The following MEGF9 variants were observed in gnomAD, a reference collection of about 807,000 sequenced individuals.
MEGF9 encodes the protein multiple epidermal growth factor-like domains protein 9.
MEGF9 carries 6 observed loss-of-function variants against 46.8 expected under a neutral mutation model. That is an observed-to-expected ratio of 0.13 (90% confidence interval 0.07 to 0.25). The LOEUF is 0.25. MEGF9 is among the 10% of genes least tolerant of loss of function. The pLI is 1.00. For synonymous variants in MEGF9, 302 were observed against 330.7 expected, an observed-to-expected ratio of 0.91 and a Z score of 0.94; for missense variants, 683 against 792.4, an observed-to-expected ratio of 0.86 and a Z score of 1.66.
chr9:120,683,498 G>A (rs2043807936), intron 1 of MEGF9, among the ~76,000 whole-genome samples: 1 of 152,188 alleles, frequency 6.6e-6, no homozygotes, highest in South Asian at 2.1e-4. Flanking sequence ...TTATAAGGCA[G>A]TTTTCCCTGC....
chr9:120,605,705 A>G lies in MEGF9; in HGVS notation c.1358-64T>C. On this transcript the variant is annotated intron_variant, in intron 5 of 5. Coordinates refer to ENST00000373930, the MANE Select transcript of MEGF9 (RefSeq NM_001080497.3). The surrounding 1 kb of genome is among the most constrained non-coding windows in gnomAD (Gnocchi z 4.0). ...ATTATCTAGTTTTGAGAAACAATAA[A>G]AGAAATACGCATGGGAGTGAATGTT... 8.3e-7 allele frequency: 1 copy of G among 1,204,100 alleles called. No homozygotes were observed. Among genetic ancestry groups the G allele is most frequent in the South Asian group, 1.6e-5 (1 of 64,462 alleles). 74.6% of individuals were successfully genotyped at this position (1,204,100 alleles called of 1,614,324 possible).
At chr9:120,608,908 T>C (rs1428301603) in intron 4 of MEGF9, among the ~76,000 whole-genome samples, 1 of 152,234 alleles carries the variant, frequency 6.6e-6, no homozygotes, top group Non-Finnish European at 1.5e-5. Flanking sequence ...TCTCTTTCCA[T>C]TCCCACTGGA....
chr9:120,636,855 T>TGG (rs201913484), intron 2 of MEGF9, among the ~76,000 whole-genome samples: 19 of 148,926 alleles, frequency 1.3e-4, no homozygotes, highest in Admixed American at 6.6e-4. Flanking sequence ...GTCTGGGGGG[T>TGG]GGGGGGGCCC....
At chr9:120,695,011 T>C (rs1177068426) in intron 1 of MEGF9, among the ~76,000 whole-genome samples, 5 of 149,994 alleles carry the variant, frequency 3.3e-5, no homozygotes, top group Admixed American at 1.3e-4. Flanking sequence ...TAGGAATTAA[T>C]CTAGGTGCTG....
chr9:120,693,275 C>CAAAAAAAAAAAAAAAA (rs10633158), intron 1 of MEGF9, among the ~76,000 whole-genome samples: 2 of 104,470 alleles, frequency 1.9e-5, no homozygotes, highest in Non-Finnish European at 3.7e-5. Context: ...TCTGGTTAAC[C>CAAAAAAAAAAAAAAAA]AAAAAAAAAA....
intron 5 of MEGF9, 61 bp downstream of exon 5, chr9:120,607,680 C>T: frequency 6.4e-7 from 1 of 1,560,364 alleles, no homozygotes; most frequent in Non-Finnish European, 8.8e-7. Flanking sequence ...TTTACAAAGC[C>T]TTCCATTTTT....
In MEGF9 at chr9:120,608,006, C is replaced by G. The variant is rs770803851; in HGVS notation, c.1092G>C (p.Ser364=). ...GGTCACATTCAGGTTCCAATTCACTCGATTCTAAAAGAGAGAATGCCAAAA... is the reference window on the plus strand; with the variant it reads ...GGTCACATTCAGGTTCCAATTCACTGGATTCTAAAAGAGAGAATGCCAAAA... ...VTSTGSCSIK[S]SELEPECDQC... Residue 364 remains serine, a synonymous_variant, in exon 5 of 6, where the codon TCG becomes TCC. Coordinates refer to ENST00000373930, the MANE Select transcript of MEGF9 (RefSeq NM_001080497.3). The G allele has an allele frequency of 6.2e-6, 10 of 1,613,550 alleles. No individual in the cohort carries two copies. Among genetic ancestry groups the G allele is most frequent in the Non-Finnish European group, 8.5e-6 (10 of 1,179,642 alleles).
intron 2 of MEGF9, among the ~76,000 whole-genome samples, chr9:120,632,548 A>T (rs2132308988): frequency 6.6e-6 from 1 of 152,252 alleles, no homozygotes; most frequent in East Asian, 1.9e-4. Flanking sequence ...GCAAACAGAC[A>T]ATTTGATTTC....
At chr9:120,696,137 A>G in intron 1 of MEGF9, among the ~76,000 whole-genome samples, 1 of 152,190 alleles carries the variant, frequency 6.6e-6, no homozygotes, top group Non-Finnish European at 1.5e-5. Context: ...TATTACCTCT[A>G]ACTCCGTGGC....
intron 2 of MEGF9, among the ~76,000 whole-genome samples, chr9:120,637,569 A>G (rs1423007425): frequency 6.6e-6 from 1 of 151,324 alleles, no homozygotes; most frequent in Non-Finnish European, 1.5e-5. Context: ...CGAGGTGGGT[A>G]GATTATGAGG....
intron 3 of MEGF9, among the ~76,000 whole-genome samples, 182 bp downstream of exon 3, chr9:120,622,434 T>TTTA (rs1554794918): frequency 4.7e-5 from 7 of 148,172 alleles, no homozygotes; most frequent in African/African-American, 1.8e-4. Context: ...TTTTTTTTTT[T>TTTA]AATTTACGTA....
intron 1 of MEGF9, among the ~76,000 whole-genome samples, chr9:120,661,980 G>A (rs2043704526): frequency 6.6e-6 from 1 of 152,072 alleles, no homozygotes; most frequent in Admixed American, 6.5e-5. Flanking sequence ...AGTAGAACTA[G>A]CTCAAGAAAA....
At chr9:120,619,217 GGCGC>G (rs1256452422) in intron 3 of MEGF9, among the ~76,000 whole-genome samples, 2 of 151,820 alleles carry the variant, frequency 1.3e-5, no homozygotes, top group Non-Finnish European at 2.9e-5. Context: ...CGTGGTGGTG[GGCGC>G]CTGTAATCCC....
intron 2 of MEGF9, among the ~76,000 whole-genome samples, chr9:120,632,060 T>G (rs1223438244): frequency 6.6e-6 from 1 of 152,132 alleles, no homozygotes; most frequent in Non-Finnish European, 1.5e-5. Context: ...CCTGAATAGC[T>G]GGGACTATAG....
intron 2 of MEGF9, among the ~76,000 whole-genome samples, chr9:120,636,995 G>T (rs1275944430): frequency 6.6e-6 from 1 of 152,232 alleles, no homozygotes; most frequent in Non-Finnish European, 1.5e-5. Flanking sequence ...CAATAGAAAA[G>T]GGTGAAATGT....
chr9:120,674,511 C>G (rs2043764092), intron 1 of MEGF9, among the ~76,000 whole-genome samples: 1 of 152,128 alleles, frequency 6.6e-6, no homozygotes, highest in Admixed American at 6.5e-5. Context: ...AAGTAGAACT[C>G]TAGTACAATG....
intron 3 of MEGF9, among the ~76,000 whole-genome samples, chr9:120,620,854 G>GA (rs5900455): frequency 0.66 from 98,318 of 149,970 alleles, 32,162 homozygotes; most frequent in Admixed American, 0.73. Flanking sequence ...TCGCATAAAA[G>GA]AAAAAAAAAA....
intron 3 of MEGF9, among the ~76,000 whole-genome samples, chr9:120,616,063 G>A (rs115293222): frequency 4.0e-4 from 61 of 152,156 alleles, no homozygotes; most frequent in African/African-American, 1.3e-3. Flanking sequence ...AACAACAGTC[G>A]TGAGAGGCAA....
At chr9:120,631,194 T>A (rs545323657) in intron 2 of MEGF9, among the ~76,000 whole-genome samples, 3 of 152,230 alleles carry the variant, frequency 2.0e-5, no homozygotes, top group Non-Finnish European at 4.4e-5. Context: ...TTTTTCTGCA[T>A]ATGGATATCC....
Sources: gnomAD v4.1 joint callset for allele counts (sites outside exome capture counted in the v4.1 genomes callset) on GRCh38, gnomAD v4.1.1 for gene constraint, Gnocchi (gnomAD v3.1) non-coding constraint, MANE v1.5 for transcripts, NCBI Gene and HGNC (gene_info 2026-07-23, HGNC 2026-07-21) for gene names.